Variants in RABGAP1L observed in about 807,000 individuals in gnomAD.
The protein encoded by RABGAP1L is rab GTPase-activating protein 1-like.
A neutral mutation model predicts 137.7 loss-of-function variants in RABGAP1L; 63 were observed. The observed-to-expected ratio is 0.46, with a 90% confidence interval of 0.37 to 0.56. The LOEUF (loss-of-function observed/expected upper bound fraction) is 0.56. Ranked by LOEUF, RABGAP1L falls within the 20% of genes least tolerant of loss-of-function variation. RABGAP1L has a pLI of 0.00. For synonymous variants in RABGAP1L, 431 were observed against 433.7 expected, an observed-to-expected ratio of 0.99 and a Z score of 0.08; for missense variants, 1,095 against 1,244.0, an observed-to-expected ratio of 0.88 and a Z score of 1.80.
intron 13 of RABGAP1L, among the ~76,000 whole-genome samples, chr1:174,602,039 T>C (rs1343452317): frequency 1.3e-5 from 2 of 152,194 alleles, no homozygotes. Flanking sequence ...TTCCAAACTT[T>C]CCCACATTTT....
At chr1:174,272,182 A>G (rs1399426008) in intron 7 of RABGAP1L, among the ~76,000 whole-genome samples, 1 of 151,926 alleles carries the variant, frequency 6.6e-6, no homozygotes, top group Non-Finnish European at 1.5e-5. Context: ...GTAGTTTCTT[A>G]TTGGTAATAT....
At chr1:174,213,815 G>A (rs571151066) in intron 1 of RABGAP1L, among the ~76,000 whole-genome samples, 1 of 152,146 alleles carries the variant, frequency 6.6e-6, no homozygotes, top group Non-Finnish European at 1.5e-5. Context: ...AACCCTTAAA[G>A]AACTGGGTAA....
chr1:174,596,726 C>G (rs1052833714), intron 13 of RABGAP1L, among the ~76,000 whole-genome samples: 1 of 152,056 alleles, frequency 6.6e-6, no homozygotes, highest in African/African-American at 2.4e-5. Flanking sequence ...TTATCTGATT[C>G]CTTTAGCTAG....
intron 18 of RABGAP1L, among the ~76,000 whole-genome samples, chr1:174,806,309 T>G (rs1323427868): frequency 6.6e-6 from 1 of 152,212 alleles, no homozygotes; most frequent in Non-Finnish European, 1.5e-5. Flanking sequence ...TCATTAATAA[T>G]TAGTATGTGT....
At chr1:174,733,047 G>C (rs1682628923) in intron 17 of RABGAP1L, among the ~76,000 whole-genome samples, 1 of 152,092 alleles carries the variant, frequency 6.6e-6, no homozygotes, top group African/African-American at 2.4e-5. Context: ...GGTAGAGAGA[G>C]TTAAAATAAC....
chr1:174,907,898 C>T (rs1481312697), intron 19 of RABGAP1L, among the ~76,000 whole-genome samples: 1 of 152,032 alleles, frequency 6.6e-6, no homozygotes, highest in Non-Finnish European at 1.5e-5. Context: ...GAAACAAGAC[C>T]CAGCTATATG....
chr1:174,893,622 G>A (rs1445005802), intron 19 of RABGAP1L, among the ~76,000 whole-genome samples: 1 of 152,088 alleles, frequency 6.6e-6, no homozygotes, highest in Non-Finnish European at 1.5e-5. Flanking sequence ...TTTTCTTTGA[G>A]GGCCTCACTA....
intron 13 of RABGAP1L, among the ~76,000 whole-genome samples, chr1:174,537,679 A>G (rs1260075105): frequency 1.3e-5 from 2 of 152,228 alleles, no homozygotes; most frequent in Admixed American, 1.3e-4. Context: ...ACCTGAGAGC[A>G]TAACACTAAT....
chr1:174,200,637 C>T (rs1668028443), intron 1 of RABGAP1L, among the ~76,000 whole-genome samples: 1 of 152,114 alleles, frequency 6.6e-6, no homozygotes, highest in South Asian at 2.1e-4. Context: ...CACTTTGATA[C>T]TTCTAAGGTT....
chr1:174,241,156 C>T (rs1465395530), intron 4 of RABGAP1L, among the ~76,000 whole-genome samples: 1 of 151,998 alleles, frequency 6.6e-6, no homozygotes, highest in Non-Finnish European at 1.5e-5. Flanking sequence ...CCTGTCTCTA[C>T]AAGAAATACA....
intron 19 of RABGAP1L, among the ~76,000 whole-genome samples, chr1:174,895,378 T>C (rs1418431938): frequency 2.0e-5 from 3 of 151,788 alleles, no homozygotes; most frequent in African/African-American, 7.3e-5. Flanking sequence ...AAAGTAATAA[T>C]TCCACCCAGG....
At chr1:174,349,381 G>A (rs1434875832) in intron 11 of RABGAP1L, among the ~76,000 whole-genome samples, 34 of 132,128 alleles carry the variant, frequency 2.6e-4, no homozygotes, top group Non-Finnish European at 4.7e-4. Context: ...CCTCCCTCCC[G>A]GACGGGGCGG....
At chr1:174,191,064 TA>T (rs1323317300) in intron 1 of RABGAP1L, among the ~76,000 whole-genome samples, 1 of 152,264 alleles carries the variant, frequency 6.6e-6, no homozygotes, top group Non-Finnish European at 1.5e-5. Flanking sequence ...ATTGCAATAG[TA>T]ATACCAAAGA....
intron 19 of RABGAP1L, among the ~76,000 whole-genome samples, chr1:174,856,288 C>T (rs1008518873): frequency 2.0e-5 from 3 of 151,412 alleles, no homozygotes; most frequent in Non-Finnish European, 2.9e-5. Flanking sequence ...CCCAGCTACT[C>T]GGGAGGCTGA....
intron 18 of RABGAP1L, among the ~76,000 whole-genome samples, chr1:174,779,995 G>A (rs912250911): frequency 6.6e-6 from 1 of 151,658 alleles, no homozygotes; most frequent in African/African-American, 2.4e-5. Flanking sequence ...GAGCCCAGGA[G>A]GGGGAGATTG....
chr1:174,548,061 T>C (rs1447336929), intron 13 of RABGAP1L: 1 of 1,550,126 alleles, frequency 6.5e-7, no homozygotes, highest in Middle Eastern at 1.7e-4. Flanking sequence ...GTTAAATGCG[T>C]CAGTGCTCTT....
chr1:174,585,881 G>A (rs375384483), intron 13 of RABGAP1L, among the ~76,000 whole-genome samples: 29 of 150,590 alleles, frequency 1.9e-4, no homozygotes, highest in African/African-American at 7.0e-4. Context: ...GCATGTCTAT[G>A]TGTGTGTATT....
intron 17 of RABGAP1L, among the ~76,000 whole-genome samples, chr1:174,703,535 G>A (rs1204017586): frequency 1.3e-5 from 2 of 152,160 alleles, no homozygotes; most frequent in Non-Finnish European, 2.9e-5. Context: ...TATAAATAGT[G>A]CTGCGATAAG....
chr1:174,736,917 C>T (rs567500833), intron 17 of RABGAP1L, among the ~76,000 whole-genome samples: 5 of 152,302 alleles, frequency 3.3e-5, no homozygotes, highest in Admixed American at 6.5e-5. Flanking sequence ...AATGGGGCCC[C>T]GGGCCTGGCC....
Sources: allele counts gnomAD v4.1 joint callset (sites outside exome capture counted in the v4.1 genomes callset), GRCh38; gene constraint gnomAD v4.1.1; transcripts MANE v1.5; gene names NCBI Gene and HGNC (gene_info 2026-07-23, HGNC 2026-07-21).